The following ATG2B variants were observed in gnomAD, a reference collection of about 807,000 sequenced individuals.
The protein encoded by ATG2B is autophagy related 2B, also known as autophagy-related protein 2 homolog B.
In ATG2B, 121 loss-of-function variants were observed where a neutral mutation model predicts 241.3. The ratio of observed to expected loss-of-function variants is 0.50; its 90% CI spans 0.43 to 0.58. The LOEUF is 0.58. ATG2B is among the 20% of genes least tolerant of loss of function. ATG2B has a pLI of 0.00. For synonymous variants in ATG2B, 858 were observed against 876.6 expected, an observed-to-expected ratio of 0.98 and a Z score of 0.37; for missense variants, 2,306 against 2,491.6, an observed-to-expected ratio of 0.93 and a Z score of 1.59.
intron 1 of ATG2B, among the ~76,000 whole-genome samples, chr14:96,361,071 A>C (rs1434837645): frequency 6.6e-6 from 1 of 152,222 alleles, no homozygotes; most frequent in Non-Finnish European, 1.5e-5. Context: ...CAGCAACAGC[A>C]AATGTTTACT....
intron 32 of ATG2B, among the ~76,000 whole-genome samples, chr14:96,303,627 T>C (rs1275993327): frequency 6.6e-6 from 1 of 152,182 alleles, no homozygotes; most frequent in Non-Finnish European, 1.5e-5. Context: ...TATGCCTAAC[T>C]TAGAAATTAA....
rs1204954865 is a variant in ATG2B at position 96,325,938 on chromosome 14, T to C, written c.2164-16A>G. 6.2e-7 allele frequency: 1 copy of C among 1,604,544 alleles called. No individual in the cohort carries two copies. Among genetic ancestry groups the C allele is most frequent in the East Asian group, 2.2e-5 (1 of 44,656 alleles). On this transcript the variant is annotated splice_polypyrimidine_tract_variant and intron_variant, in intron 14 of 41. Coordinates refer to ENST00000359933, the MANE Select transcript of ATG2B (RefSeq NM_018036.7). The stretch of plus-strand genomic sequence containing the variant: ...AAGCCTTGTGCTAAAACACAAAACA[T>C]CAAAAATATGCCAAAATATTAAAGT...
intron 38 of ATG2B, 91 bp from the exon 39 acceptor site, chr14:96,291,026 C>A: frequency 1.8e-6 from 2 of 1,114,616 alleles, no homozygotes; most frequent in African/African-American, 1.6e-5. Context: ...AAAACAAATT[C>A]TACAAATTAT....
chr14:96,299,701 T>C (rs1886738577), intron 34 of ATG2B, among the ~76,000 whole-genome samples: 1 of 152,186 alleles, frequency 6.6e-6, no homozygotes, highest in Non-Finnish European at 1.5e-5. Context: ...TCTGCAATGC[T>C]TACTGCCTGC....
chr14:96,322,452 G>A, intron 17 of ATG2B, 88 bp downstream of exon 17: 5 of 1,388,342 alleles, frequency 3.6e-6, no homozygotes, highest in Non-Finnish European at 2.9e-6. Context: ...AGTACACAAG[G>A]CATTTTTTTA....
In ATG2B at chr14:96,282,923, C is replaced by T. The variant is rs553785620; in HGVS notation, c.*2832G>A. 12 of 152,300 alleles carry T rather than the reference C, an allele frequency of 7.9e-5. No homozygotes were observed. The highest frequency in any genetic ancestry group is 6.5e-4 in the Admixed American group (10 of 15,296). The allele number at this position is 152,300 out of a possible 1,614,324, so 9.4% of individuals were successfully genotyped here. On this transcript the variant is annotated 3_prime_UTR_variant, in exon 42 of 42. Transcript: ENST00000359933. Reference sequence around the variant, plus strand: ...GAAAGATTTTTTAAGTGAACTTTGCCTTATAAAAATATTGATAAATATATG... The same window carrying T: ...GAAAGATTTTTTAAGTGAACTTTGCTTTATAAAAATATTGATAAATATATG...
chr14:96,301,462 C>T (rs550620012), intron 34 of ATG2B, among the ~76,000 whole-genome samples: 6 of 152,272 alleles, frequency 3.9e-5, no homozygotes, highest in Non-Finnish European at 7.4e-5. Flanking sequence ...TTAAACAGAT[C>T]GCTGGGTCAA....
intron 5 of ATG2B, 49 bp downstream of exon 5, chr14:96,343,070 C>T: frequency 7.0e-7 from 1 of 1,426,074 alleles, no homozygotes; most frequent in Non-Finnish European, 9.3e-7. Context: ...CCATTTAAAC[C>T]TTTTAAAAAA....
At position 96,348,012 on chromosome 14, in the gene ATG2B, T is replaced by G. The variant is rs556715603; in HGVS notation, c.163-671A>C. ...TAGCCCCCAAAAAAGGAAATCAGTT[T>G]ATGGAAGAGATATCCACGCTCCCAT... On this transcript the variant is annotated intron_variant, in intron 1 of 41. Coordinates refer to ENST00000359933, the MANE Select transcript of ATG2B (RefSeq NM_018036.7). Among the ~76,000 whole-genome samples the G allele has an allele frequency of 3.2e-4, 49 of 152,358 alleles. No homozygotes were observed. The South Asian group carries it at 8.7e-3, about 27-fold the overall frequency.
chr14:96,306,087 C>T (rs1886938674), intron 30 of ATG2B, among the ~76,000 whole-genome samples: 1 of 152,122 alleles, frequency 6.6e-6, no homozygotes, highest in Non-Finnish European at 1.5e-5. Context: ...TAAAAAAGCA[C>T]AAATTTAGTG....
At chr14:96,345,517 G>T in intron 2 of ATG2B, 132 bp from the exon 3 acceptor site, 1 of 582,624 alleles carries the variant, frequency 1.7e-6, no homozygotes. Flanking sequence ...TGTTACCCAG[G>T]TAAACAATAT....
At chr14:96,325,544 A>C in intron 15 of ATG2B, 105 bp downstream of exon 15, 2 of 1,024,374 alleles carry the variant, frequency 2.0e-6, no homozygotes, top group Non-Finnish European at 2.9e-6. Flanking sequence ...AATGTTCTTT[A>C]ATTGTACTAT....
At chr14:96,317,423 A>G (rs1439279188) in intron 19 of ATG2B, 106 bp from the exon 20 acceptor site, 1 of 1,010,106 alleles carries the variant, frequency 9.9e-7, no homozygotes, top group Non-Finnish European at 1.4e-6. Flanking sequence ...TACAAAGAAT[A>G]TGGTGTGAAC....
At chr14:96,307,820 G>A (rs967473575) in intron 29 of ATG2B, among the ~76,000 whole-genome samples, 4 of 152,022 alleles carry the variant, frequency 2.6e-5, no homozygotes, top group Admixed American at 6.6e-5. Context: ...GGTAGCTATC[G>A]CAAAAGATTA....
Position 96,322,533 on chromosome 14 carries a change from C to T in ATG2B, c.2736+7G>A, listed in dbSNP as rs766813494. The stretch of plus-strand genomic sequence containing the variant: ...ATTATTCCTTTGTAGCTTGCTCACA[C>T]TTTTACCTGTTCATTTTCAAACATT... On this transcript the variant is annotated splice_region_variant and intron_variant, in intron 17 of 41. Coordinates refer to ENST00000359933, the MANE Select transcript of ATG2B (RefSeq NM_018036.7). 4 of 1,608,526 alleles carry T rather than the reference C, an allele frequency of 2.5e-6. No homozygotes were observed. Among genetic ancestry groups the T allele is most frequent in the South Asian group, 2.2e-5 (2 of 90,242 alleles).
At chr14:96,336,538 T>C (rs1407915179) in intron 6 of ATG2B, among the ~76,000 whole-genome samples, 1 of 152,232 alleles carries the variant, frequency 6.6e-6, no homozygotes. Context: ...CATATATTTA[T>C]ACATTTGTAC....
chr14:96,355,375 C>T (rs559831849), intron 1 of ATG2B, among the ~76,000 whole-genome samples: 39 of 152,262 alleles, frequency 2.6e-4, no homozygotes, highest in Admixed American at 7.2e-4. Flanking sequence ...TCTCCCAGCA[C>T]CATCAGGGAA....
chr14:96,302,157 C>T (rs1311073278), intron 33 of ATG2B, 49 bp from the exon 34 acceptor site: 2 of 1,125,842 alleles, frequency 1.8e-6, no homozygotes, highest in Non-Finnish European at 2.6e-6. Flanking sequence ...ATATGATGAC[C>T]TTCTTCTCTT....
chr14:96,287,112 G>A (rs1046576809), intron 41 of ATG2B, among the ~76,000 whole-genome samples: 13 of 151,834 alleles, frequency 8.6e-5, no homozygotes, highest in African/African-American at 2.2e-4. Flanking sequence ...AAAACTAGCC[G>A]GGCGTGGTGG....
Sources: allele counts gnomAD v4.1 joint callset (sites outside exome capture counted in the v4.1 genomes callset), GRCh38; gene constraint gnomAD v4.1.1; transcripts MANE v1.5; gene names NCBI Gene and HGNC (gene_info 2026-07-23, HGNC 2026-07-21).